KANSL2: variants seen among roughly 807,000 people sequenced by gnomAD.
KANSL2 encodes KAT8 regulatory NSL complex subunit 2, also known as NSL complex protein NSL2.
A neutral mutation model predicts 55.6 loss-of-function variants in KANSL2; 34 were observed. That is an observed-to-expected ratio of 0.61 (90% confidence interval 0.46 to 0.81). The LOEUF (loss-of-function observed/expected upper bound fraction) is 0.81, where lower values mean the gene tolerates loss of function less well. Among genes scored for constraint, KANSL2 ranks in the 40% least tolerant of loss-of-function variants. KANSL2 has a pLI of 0.00. For synonymous variants in KANSL2, 209 were observed against 214.3 expected (o/e 0.98, Z 0.22); for missense variants, 502 against 609.9 (o/e 0.82, Z 1.86).
At chr12:48,682,026 C>T (rs749571293) in intron 1 of KANSL2, 161 bp downstream of exon 1, 21 of 702,894 alleles carry the variant, frequency 3.0e-5, no homozygotes, top group South Asian at 2.4e-4. Flanking sequence ...GCCATTTTGT[C>T]CTACGGCTCC....
At chr12:48,666,187 G>A (rs1357621746) in intron 7 of KANSL2, among the ~76,000 whole-genome samples, 1 of 151,752 alleles carries the variant, frequency 6.6e-6, no homozygotes, top group East Asian at 1.9e-4. Flanking sequence ...CTCCAACTTG[G>A]GCAACAGAGT....
At chr12:48,678,719 T>G (rs1209595504) in intron 4 of KANSL2, among the ~76,000 whole-genome samples, 1 of 152,162 alleles carries the variant, frequency 6.6e-6, no homozygotes, top group African/African-American at 2.4e-5. Context: ...CCATTTTCTC[T>G]TCTCTAAACT....
chr12:48,664,356 T>A (rs1358404188), intron 7 of KANSL2, among the ~76,000 whole-genome samples: 5 of 146,800 alleles, frequency 3.4e-5, no homozygotes, highest in Non-Finnish European at 6.0e-5. Context: ...CTCAGCTCAC[T>A]GCAAGCTCCG....
intron 6 of KANSL2, among the ~76,000 whole-genome samples, chr12:48,668,571 T>C (rs1939645084): frequency 6.6e-6 from 1 of 152,136 alleles, no homozygotes; most frequent in African/African-American, 2.4e-5. Flanking sequence ...TGGTGGCACA[T>C]GCCTGTAATC....
At chr12:48,679,944 T>C (rs921238909) in intron 2 of KANSL2, 111 bp from the exon 3 acceptor site, 10 of 941,912 alleles carry the variant, frequency 1.1e-5, no homozygotes, top group Non-Finnish European at 1.6e-5. Flanking sequence ...GACTATTACA[T>C]TCATTTCTAA....
rs542118084 is a variant in KANSL2, at chr12:48,669,233, T to G, written c.749A>C (p.Lys250Thr). 2 of 1,574,594 alleles carry G rather than the reference T, an allele frequency of 1.3e-6. No individual in the cohort carries two copies. Among genetic ancestry groups the G allele is most frequent in the South Asian group, 2.3e-5 (2 of 85,504 alleles). Residue 250 changes from lysine (K) to threonine (T), a missense_variant, in exon 6 of 10, where the codon AAA becomes ACA. Transcript: ENST00000420613. ...LLTGPEGLLA[K>T]ERENLKRLKC... Reference sequence around the variant, plus strand: ...TAATCGCTTTAAGTTCTCTCGTTCTTTGGCCAAAAGTCCCTCTGGGCCAGT... The same window carrying G: ...TAATCGCTTTAAGTTCTCTCGTTCTGTGGCCAAAAGTCCCTCTGGGCCAGT...
At chr12:48,661,225 G>C in intron 7 of KANSL2, 1 of 971,910 alleles carries the variant, frequency 1.0e-6, no homozygotes, top group Non-Finnish European at 1.2e-6. Context: ...TGCTAGTACA[G>C]AGGAATCCTT....
chr12:48,681,484 ATATGCT>A lies in KANSL2; in HGVS notation c.143_148del (p.Lys48_His49del). ...GAAGGGTGCATTCTTGTCTTCAAGGATATGCTTAATGCAAAACTCCTGCCCCTCCAG... is the reference window on the plus strand; with the variant it reads ...GAAGGGTGCATTCTTGTCTTCAAGGATAATGCAAAACTCCTGCCCCTCCAG... On this transcript the variant is annotated inframe_deletion, in exon 2 of 10. Coordinates refer to ENST00000420613, the MANE Select transcript of KANSL2 (RefSeq NM_017822.4). 2 of 1,613,992 alleles carry A rather than the reference ATATGCT, an allele frequency of 1.2e-6. No homozygotes were observed. The highest frequency in any genetic ancestry group is 1.7e-6 in the Non-Finnish European group (2 of 1,179,900).
chr12:48,672,075 C>T, intron 4 of KANSL2, 113 bp from the exon 5 acceptor site: 1 of 856,960 alleles, frequency 1.2e-6, no homozygotes, highest in Non-Finnish European at 1.7e-6. Context: ...GTGACATAAT[C>T]ACCTTAATGT....
intron 4 of KANSL2, among the ~76,000 whole-genome samples, chr12:48,677,337 A>G (rs1160258811): frequency 1.3e-5 from 2 of 152,222 alleles, no homozygotes; most frequent in African/African-American, 2.4e-5. Context: ...TGTGCCTCCT[A>G]GAGACTGATC....
rs1459280087 is a variant in KANSL2, at chr12:48,681,765, G to A, written c.-9-124C>T. On this transcript the variant is annotated intron_variant, in intron 1 of 9. Coordinates refer to ENST00000420613, the MANE Select transcript of KANSL2 (RefSeq NM_017822.4). ...CGTCCCCGTAAGGTACGCTCCGTAA[G>A]TCCCCGCCGCCCTCCCCAAGTCTCC... 9 of 1,233,048 alleles carry A rather than the reference G, an allele frequency of 7.3e-6. No homozygotes were observed. The South Asian group carries it at 9.9e-5, about 14-fold the overall frequency. The allele number at this position is 1,233,048 out of a possible 1,614,324, so 76.4% of individuals were successfully genotyped here.
intron 7 of KANSL2, among the ~76,000 whole-genome samples, chr12:48,662,228 C>G (rs1009153699): frequency 2.6e-5 from 4 of 152,128 alleles, no homozygotes; most frequent in Admixed American, 2.6e-4. Flanking sequence ...CCGCAGACTC[C>G]AAAGTAGCTG....
At chr12:48,656,651 T>G in intron 8 of KANSL2, 1 of 490,908 alleles carries the variant, frequency 2.0e-6, no homozygotes. Context: ...TTCTAGACTA[T>G]GTTTCTTCCA....
chr12:48,681,118 TAAAAA>T (rs1057233108), intron 2 of KANSL2: 35 of 131,342 alleles, frequency 2.7e-4, no homozygotes, highest in South Asian at 6.8e-4. Flanking sequence ...CCATCTCTCT[TAAAAA>T]AAAAAAAAAA....
intron 8 of KANSL2, chr12:48,656,706 C>G (rs1375035099): frequency 1.9e-6 from 1 of 518,722 alleles, no homozygotes; most frequent in African/African-American, 1.9e-5. Flanking sequence ...GCCAACAGAC[C>G]ACAAGGAAGA....
In KANSL2 at chr12:48,653,757, T is replaced by A. The variant is rs1939326343; in HGVS notation, c.*287A>T. On this transcript the variant is annotated 3_prime_UTR_variant, in exon 10 of 10. Coordinates refer to ENST00000420613, the MANE Select transcript of KANSL2 (RefSeq NM_017822.4). Reference sequence around the variant, plus strand: ...AGCTACTTAAGTGGATTTCTATCCATGACTTGGGAAATCCCATTACAAAGA... The same window carrying A: ...AGCTACTTAAGTGGATTTCTATCCAAGACTTGGGAAATCCCATTACAAAGA... 3.6e-6 allele frequency: 1 copy of A among 277,306 alleles called. No homozygotes were observed. The highest frequency in any genetic ancestry group is 1.3e-4 in the South Asian group (1 of 7,748). 17.2% of individuals were successfully genotyped at this position (277,306 alleles called of 1,614,324 possible). A position where few individuals can be genotyped will look rare whatever the true frequency, so the allele number is the denominator to read the frequency against.
At chr12:48,672,365 A>ATATATATACG in intron 4 of KANSL2, among the ~76,000 whole-genome samples, 1 of 146,636 alleles carries the variant, frequency 6.8e-6, no homozygotes, top group African/African-American at 2.5e-5. Flanking sequence ...ACATATATAC[A>ATATATATACG]TGTATATATA....
At chr12:48,675,825 TG>T (rs1939811174) in intron 4 of KANSL2, among the ~76,000 whole-genome samples, 1 of 152,198 alleles carries the variant, frequency 6.6e-6, no homozygotes, top group Non-Finnish European at 1.5e-5. Flanking sequence ...TGCTCTGGTA[TG>T]CACAAATTAA....
chr12:48,678,184 T>A (rs1464710477), intron 4 of KANSL2, among the ~76,000 whole-genome samples: 1 of 152,166 alleles, frequency 6.6e-6, no homozygotes, highest in Non-Finnish European at 1.5e-5. Flanking sequence ...TCCCTTTACA[T>A]AAACTGTCAG....
Sources: gnomAD v4.1 joint callset for allele counts (sites outside exome capture counted in the v4.1 genomes callset) on GRCh38, gnomAD v4.1.1 for gene constraint, MANE v1.5 for transcripts, NCBI Gene and HGNC (gene_info 2026-07-23, HGNC 2026-07-21) for gene names.